FHIT: variants seen among roughly 807,000 people sequenced by gnomAD.
FHIT encodes the protein bis(5'-adenosyl)-triphosphatase.
Under a neutral mutation model 17.9 loss-of-function variants are expected in FHIT, and 19 were observed. The observed-to-expected ratio is 1.06, with a 90% confidence interval of 0.74 to 1.56. The LOEUF (loss-of-function observed/expected upper bound fraction) is 1.56. FHIT is among the 40% of genes most tolerant of loss of function. The pLI is 0.00. For synonymous variants in FHIT, 81 were observed against 69.7 expected (o/e 1.16, Z -0.81); for missense variants, 248 against 189.2 (o/e 1.31, Z -1.82).
chr3:60,002,226 G>T (rs187646784), intron 7 of FHIT, among the ~76,000 whole-genome samples: 2 of 152,086 alleles, frequency 1.3e-5, no homozygotes, highest in Non-Finnish European at 2.9e-5. Context: ...TTCATTACTG[G>T]AATCCAATAA....
chr3:60,857,830 A>T (rs1703450026), intron 3 of FHIT, among the ~76,000 whole-genome samples: 1 of 152,174 alleles, frequency 6.6e-6, no homozygotes, highest in African/African-American at 2.4e-5. Flanking sequence ...TGGGAGGCTG[A>T]GGCAGGAGGA....
intron 7 of FHIT, among the ~76,000 whole-genome samples, chr3:59,999,190 C>A (rs952343745): frequency 2.6e-5 from 4 of 152,100 alleles, no homozygotes; most frequent in Middle Eastern, 3.4e-3. Flanking sequence ...GGAGAGAGAG[C>A]CCTGCATATT....
intron 5 of FHIT, among the ~76,000 whole-genome samples, chr3:60,113,285 G>C (rs1704762153): frequency 6.6e-6 from 1 of 152,108 alleles, no homozygotes; most frequent in Non-Finnish European, 1.5e-5. Flanking sequence ...CACATACCAA[G>C]CATTCAATAA....
chr3:59,758,650 T>G (rs895686769), intron 8 of FHIT, among the ~76,000 whole-genome samples: 2 of 152,176 alleles, frequency 1.3e-5, no homozygotes, highest in African/African-American at 4.8e-5. Context: ...TAGAATATAA[T>G]AAGATTGTTT....
At chr3:61,151,374 T>C (rs564660696) in intron 2 of FHIT, among the ~76,000 whole-genome samples, 10 of 152,212 alleles carry the variant, frequency 6.6e-5, no homozygotes, top group Non-Finnish European at 1.0e-4. Context: ...TACTTGCCTA[T>C]GTTCTCTACC....
chr3:60,243,085 T>G (rs1162346510), intron 5 of FHIT, among the ~76,000 whole-genome samples: 2 of 151,868 alleles, frequency 1.3e-5, no homozygotes, highest in African/African-American at 4.8e-5. Flanking sequence ...AAAAATTAGA[T>G]TTGGGCCACT....
intron 1 of FHIT, among the ~76,000 whole-genome samples, chr3:61,205,919 C>T (rs1286120785): frequency 2.0e-5 from 3 of 148,078 alleles, no homozygotes; most frequent in Non-Finnish European, 4.5e-5. Flanking sequence ...ATGGTATTGC[C>T]TAGGTTTTCT....
chr3:60,678,708 AC>A (rs879984028), intron 4 of FHIT, among the ~76,000 whole-genome samples: 3 of 152,146 alleles, frequency 2.0e-5, no homozygotes, highest in Non-Finnish European at 4.4e-5. Context: ...GTTGAAAAAT[AC>A]AGAGCTCTCA....
chr3:60,938,917 T>C (rs1708299891), intron 3 of FHIT, among the ~76,000 whole-genome samples: 1 of 152,208 alleles, frequency 6.6e-6, no homozygotes, highest in African/African-American at 2.4e-5. Context: ...TAAAATATGT[T>C]CATTGTAAAT....
chr3:60,344,473 C>T (rs939431116), intron 5 of FHIT, among the ~76,000 whole-genome samples: 1 of 152,136 alleles, frequency 6.6e-6, no homozygotes, highest in Non-Finnish European at 1.5e-5. Flanking sequence ...AAAAGTCACT[C>T]GTGTCAGTAC....
At chr3:61,101,418 T>C (rs569557074) in intron 2 of FHIT, among the ~76,000 whole-genome samples, 2 of 152,314 alleles carry the variant, frequency 1.3e-5, no homozygotes, top group South Asian at 4.1e-4. Flanking sequence ...CGTTGGTCTA[T>C]CTCTCTGTTT....
At chr3:59,840,393 TA>T (rs5849304) in intron 8 of FHIT, among the ~76,000 whole-genome samples, 12,266 of 139,568 alleles carry the variant, frequency 0.088, 590 homozygotes, top group African/African-American at 0.13. Flanking sequence ...TATCCCCCTT[TA>T]AAAAAAAAAA....
At chr3:60,039,635 T>C (rs1373742825) in intron 5 of FHIT, among the ~76,000 whole-genome samples, 3 of 152,236 alleles carry the variant, frequency 2.0e-5, no homozygotes, top group Non-Finnish European at 4.4e-5. Flanking sequence ...TATTTTTCTA[T>C]ACTGTTATAA....
chr3:60,308,133 C>T (rs1708768607), intron 5 of FHIT, among the ~76,000 whole-genome samples: 1 of 152,100 alleles, frequency 6.6e-6, no homozygotes. Flanking sequence ...TTATTAAGCT[C>T]AAGTCACCCA....
chr3:60,005,268 A>C (rs910391992), intron 7 of FHIT, among the ~76,000 whole-genome samples: 63 of 152,330 alleles, frequency 4.1e-4, no homozygotes, highest in African/African-American at 1.5e-3. Flanking sequence ...CTTTGATCCA[A>C]ATGGTATCAT....
Position 60,444,086 on chromosome 3 carries a change from G to T in FHIT, c.103+92774C>A, listed in dbSNP as rs188813809. Among the ~76,000 whole-genome samples the T allele has an allele frequency of 5.4e-3, 815 of 152,090 alleles. 9 individuals carry two copies. The highest frequency in any genetic ancestry group is 0.019 in the African/African-American group (784 of 41,494). ...ACATTTATGCAGCCAAAAGACACATGAAAAAAATGCTTATCATCACTTGCC... is the reference window on the plus strand; with the variant it reads ...ACATTTATGCAGCCAAAAGACACATTAAAAAAATGCTTATCATCACTTGCC... On this transcript the variant is annotated intron_variant, in intron 5 of 9. Coordinates refer to ENST00000492590, the MANE Select transcript of FHIT (RefSeq NM_002012.4).
At chr3:61,189,891 C>G (rs1296898353) in intron 2 of FHIT, among the ~76,000 whole-genome samples, 2 of 152,168 alleles carry the variant, frequency 1.3e-5, no homozygotes, top group Admixed American at 1.3e-4. Context: ...ATGTAGAAAG[C>G]TGAAACTGGA....
chr3:60,056,307 T>C (rs970772551), intron 5 of FHIT, among the ~76,000 whole-genome samples: 1 of 152,080 alleles, frequency 6.6e-6, no homozygotes, highest in Non-Finnish European at 1.5e-5. Context: ...CTTCTGGTTC[T>C]ATTACTTGAG....
At chr3:60,274,056 C>T (rs149658957) in intron 5 of FHIT, among the ~76,000 whole-genome samples, 302 of 152,226 alleles carry the variant, frequency 2.0e-3, no homozygotes, top group African/African-American at 6.2e-3. Flanking sequence ...GTTCTTTCTC[C>T]TTAGGGATGT....
Sources: gnomAD v4.1 joint callset for allele counts (sites outside exome capture counted in the v4.1 genomes callset) on GRCh38, gnomAD v4.1.1 for gene constraint, MANE v1.5 for transcripts, NCBI Gene and HGNC (gene_info 2026-07-23, HGNC 2026-07-21) for gene names.